DDHD1: variants seen among roughly 807,000 people sequenced by gnomAD.
The protein encoded by DDHD1 is DDHD domain containing 1.
DDHD1 carries 49 observed loss-of-function variants against 96.4 expected under a neutral mutation model. The ratio of observed to expected loss-of-function variants is 0.51; its 90% CI spans 0.40 to 0.64. The LOEUF is 0.64. Ranked by LOEUF, DDHD1 falls within the 30% of genes least tolerant of loss-of-function variation. The probability of loss-of-function intolerance (pLI) is 0.00; values close to 1 mark genes in which losing one functional copy is unlikely to be tolerated. For missense variants in DDHD1, 1,106 were observed against 1,161.2 expected (o/e 0.95, Z 0.69); for synonymous variants, 442 against 446.5 (o/e 0.99, Z 0.13).
At chr14:53,055,525 T>TG (rs1266668116) in intron 10 of DDHD1, 135 bp downstream of exon 10, 1 of 839,182 alleles carries the variant, frequency 1.2e-6, no homozygotes, top group African/African-American at 1.7e-5. Flanking sequence ...ATATGAACAT[T>TG]GGGAGGGTAG....
intron 1 of DDHD1, among the ~76,000 whole-genome samples, chr14:53,118,689 G>A (rs1018299114): frequency 2.0e-5 from 3 of 152,216 alleles, no homozygotes; most frequent in African/African-American, 7.2e-5. Flanking sequence ...TGTTTGATTG[G>A]TGTACCAGAA....
intron 2 of DDHD1, among the ~76,000 whole-genome samples, chr14:53,099,193 C>G (rs949151388): frequency 6.6e-6 from 1 of 152,046 alleles, no homozygotes; most frequent in Admixed American, 6.6e-5. Context: ...AAAAATAGTA[C>G]AGGGAGCTAT....
chr14:53,081,555 G>T (rs1382333502), intron 4 of DDHD1, among the ~76,000 whole-genome samples: 1 of 152,132 alleles, frequency 6.6e-6, no homozygotes, highest in African/African-American at 2.4e-5. Context: ...AACAACTAAG[G>T]GTTTTATTTG....
At position 53,043,392 on chromosome 14, in the gene DDHD1, A is replaced by AGTGTGTGTGTGTGTGTGTGTGT. The variant is rs59747041; in HGVS notation, c.*3354_*3375dup. Reference sequence around the variant, plus strand: ...CAAAAGAGCAGTTATTAGAACATCCAGTGTGTGTGTGTGTGTGTGTGTGTG... The same window carrying AGTGTGTGTGTGTGTGTGTGTGT: ...CAAAAGAGCAGTTATTAGAACATCCAGTGTGTGTGTGTGTGTGTGTGTGTGTGTGTGTGTGTGTGTGTGTGTG... On this transcript the variant is annotated 3_prime_UTR_variant, in exon 13 of 13. Coordinates refer to ENST00000673822, the MANE Select transcript of DDHD1 (RefSeq NM_001160148.2). The AGTGTGTGTGTGTGTGTGTGTGT allele has an allele frequency of 3.6e-5, 4 of 112,530 alleles. No individual in the cohort carries two copies. Among genetic ancestry groups the AGTGTGTGTGTGTGTGTGTGTGT allele is most frequent in the African/African-American group, 1.1e-4 (4 of 36,328 alleles). The allele number at this position is 112,530 out of a possible 1,614,324, so 7.0% of individuals were successfully genotyped here.
chr14:53,098,221 A>G (rs892287898), intron 2 of DDHD1, among the ~76,000 whole-genome samples: 2 of 152,106 alleles, frequency 1.3e-5, no homozygotes, highest in Admixed American at 1.3e-4. Flanking sequence ...ACCTCAAAAC[A>G]CAACTGCAAA....
In DDHD1 at chr14:53,046,781, A is replaced by G; in HGVS notation, c.2690T>C (p.Leu897Ser). Residue 897 changes from leucine (L) to serine (S), a missense_variant, in exon 13 of 13, where the codon TTA (leucine) becomes TCA (serine). Physicochemically the swap from Leu to Ser is moderately radical, Grantham distance 145 (BLOSUM62 -2). Coordinates refer to ENST00000673822, the MANE Select transcript of DDHD1 (RefSeq NM_001160148.2). ...CTTCAAGAGAGTTCAGATTGGATCT[A>G]AATTGGGTTTTGCATCATCATCGTG... The part of the protein sequence containing the change: ...HEHDDDAKPN[L>S]DPI 1 of 1,607,738 alleles carries G rather than the reference A, an allele frequency of 6.2e-7. No homozygotes were observed. The highest frequency in any genetic ancestry group is 8.5e-7 in the Non-Finnish European group (1 of 1,176,980).
At chr14:53,128,381 G>A (rs778626890) in intron 1 of DDHD1, among the ~76,000 whole-genome samples, 28 of 152,130 alleles carry the variant, frequency 1.8e-4, no homozygotes, top group Admixed American at 3.9e-4. Context: ...CTAAGATCAA[G>A]GCACCAGCAG....
chr14:53,057,499 T>A (rs1235469289), intron 9 of DDHD1, among the ~76,000 whole-genome samples: 1 of 152,226 alleles, frequency 6.6e-6, no homozygotes, highest in Non-Finnish European at 1.5e-5. Flanking sequence ...TATTTTGATG[T>A]TCAGTATTTG....
intron 4 of DDHD1, 87 bp downstream of exon 4, chr14:53,091,697 GA>G: frequency 7.3e-7 from 1 of 1,378,396 alleles, no homozygotes; most frequent in Non-Finnish European, 9.9e-7. Flanking sequence ...ACATGCAGTG[GA>G]ATTAGTATAC....
rs2139912886 is a variant in DDHD1 at position 53,072,652 on chromosome 14, A to G, written c.1448T>C (p.Leu483Pro). Residue 483 changes from leucine (L) to proline (P), a missense_variant, in exon 6 of 13, where the codon CTG becomes CCG. Leu to Pro is a moderately conservative substitution (Grantham distance 98). Around this residue, in one of 2 missense-constraint regions of DDHD1, gnomAD observed 650 missense variants for 758.8 expected, o/e 0.86. Transcript: ENST00000673822. ...PDKVRGLRDM[L>P]NSSAMDIMYY... ...CATTATGTCCATTGCACTGCTGTTC[A>G]GCATATCCCTTAAACCTCGTACTTT... is the stretch of plus-strand genomic sequence containing the variant. 1 of 1,610,876 alleles carries G rather than the reference A, an allele frequency of 6.2e-7. No individual in the cohort carries two copies. The highest frequency in any genetic ancestry group is 8.5e-7 in the Non-Finnish European group (1 of 1,177,858).
At chr14:53,115,267 T>C (rs561933913) in intron 1 of DDHD1, among the ~76,000 whole-genome samples, 6 of 152,022 alleles carry the variant, frequency 3.9e-5, no homozygotes, top group Non-Finnish European at 8.8e-5. Flanking sequence ...TACCTGAAAG[T>C]GGTGGAGAGA....
At position 53,072,461 on chromosome 14, in the gene DDHD1, AAAAGTAGGCT is replaced by A. The variant is rs1393080649; in HGVS notation, c.1503+126_1503+135del. ...TAGTTTGAAGACTATCAAATTTATTAAAAGTAGGCTATTTATAGATTAATGAATTCCTGTA... is the reference window on the plus strand; with the variant it reads ...TAGTTTGAAGACTATCAAATTTATTAATTTATAGATTAATGAATTCCTGTA... On this transcript the variant is annotated intron_variant, in intron 6 of 12. Transcript: ENST00000673822. 1.4e-5 allele frequency: 6 copies of A among 440,900 alleles called. No homozygotes were observed. In the East Asian group the frequency reaches 2.0e-4, roughly 15 times the overall value. 27.3% of individuals were successfully genotyped at this position (440,900 alleles called of 1,614,324 possible).
At chr14:53,143,504 T>G (rs10145557) in intron 1 of DDHD1, among the ~76,000 whole-genome samples, 1 of 152,040 alleles carries the variant, frequency 6.6e-6, no homozygotes, top group Non-Finnish European at 1.5e-5. Context: ...TCATTTATAA[T>G]CTGACGCGTC....
chr14:53,135,174 G>C (rs1890141420), intron 1 of DDHD1, among the ~76,000 whole-genome samples: 1 of 152,126 alleles, frequency 6.6e-6, no homozygotes, highest in Admixed American at 6.5e-5. Flanking sequence ...TGACCTGCAG[G>C]TATACATCCA....
At chr14:53,128,181 G>A (rs903430491) in intron 1 of DDHD1, among the ~76,000 whole-genome samples, 1 of 152,212 alleles carries the variant, frequency 6.6e-6, no homozygotes, top group African/African-American at 2.4e-5. Flanking sequence ...GGAACTGTGA[G>A]TCAATTAAAC....
At chr14:53,131,932 T>C (rs150236070) in intron 1 of DDHD1, among the ~76,000 whole-genome samples, 1 of 152,172 alleles carries the variant, frequency 6.6e-6, no homozygotes, top group African/African-American at 2.4e-5. Flanking sequence ...CTGCTGATCA[T>C]GTCCAGCTAA....
chr14:53,137,926 A>G (rs1890353517), intron 1 of DDHD1, among the ~76,000 whole-genome samples: 2 of 152,184 alleles, frequency 1.3e-5, no homozygotes, highest in Admixed American at 1.3e-4. Context: ...AAAAAGCTGA[A>G]AGTTAGAAGA....
At chr14:53,063,280 A>G in intron 6 of DDHD1, 75 bp from the exon 7 acceptor site, 2 of 1,480,538 alleles carry the variant, frequency 1.4e-6, no homozygotes, top group Non-Finnish European at 9.1e-7. Context: ...ACTCAAATAC[A>G]TTAAGGTAGA....
intron 1 of DDHD1, among the ~76,000 whole-genome samples, chr14:53,134,109 A>G (rs1178032351): frequency 6.6e-6 from 1 of 152,048 alleles, no homozygotes; most frequent in Non-Finnish European, 1.5e-5. Context: ...ATTCGTCCTT[A>G]CCCTACTTTT....
Sources: gnomAD v4.1 joint callset for allele counts (sites outside exome capture counted in the v4.1 genomes callset) on GRCh38, gnomAD v4.1.1 for gene constraint, gnomAD v4.1.1 regional missense constraint, MANE v1.5 for transcripts, NCBI Gene and HGNC (gene_info 2026-07-23, HGNC 2026-07-21) for gene names.